Variants in PPARGC1A observed in about 807,000 individuals in gnomAD.
PPARGC1A encodes the protein peroxisome proliferator-activated receptor gamma coactivator 1-alpha.
PPARGC1A carries 25 observed loss-of-function variants against 88.7 expected under a neutral mutation model. The ratio of observed to expected loss-of-function variants is 0.28; its 90% CI spans 0.21 to 0.39. The LOEUF is 0.39. Among genes scored for constraint, PPARGC1A ranks in the 10% least tolerant of loss-of-function variants. The probability of loss-of-function intolerance (pLI) is 1.00; values close to 1 mark genes in which losing one functional copy is unlikely to be tolerated. For synonymous variants in PPARGC1A, 363 were observed against 355.6 expected (o/e 1.02, Z -0.24); for missense variants, 880 against 968.7 (o/e 0.91, Z 1.22).
At chr4:24,209,335 C>A in the PPARGC1A span, among the ~76,000 whole-genome samples, 2 of 152,198 alleles carry the variant, frequency 1.3e-5, no homozygotes, top group African/African-American at 4.8e-5. Context: ...AACATTCCTA[C>A]TGATTACCCT....
At chr4:24,423,512 T>C in the PPARGC1A span, among the ~76,000 whole-genome samples, 1 of 150,614 alleles carries the variant, frequency 6.6e-6, no homozygotes, top group Non-Finnish European at 1.5e-5. Context: ...TGACAAGTTA[T>C]GACTATCAAA....
chr4:24,088,679 T>A, the PPARGC1A span, among the ~76,000 whole-genome samples: 2 of 152,308 alleles, frequency 1.3e-5, no homozygotes, highest in East Asian at 3.9e-4. Context: ...AATAAACTAT[T>A]AAAAAACATT....
chr4:24,165,963 T>C, the PPARGC1A span, among the ~76,000 whole-genome samples: 1 of 152,190 alleles, frequency 6.6e-6, no homozygotes, highest in African/African-American at 2.4e-5. Flanking sequence ...GAGAAAGGCA[T>C]GTCGAAAGCT....
chr4:23,851,235 C>A (rs1482101093), intron 2 of PPARGC1A, among the ~76,000 whole-genome samples: 1 of 152,280 alleles, frequency 6.6e-6, no homozygotes, highest in Non-Finnish European at 1.5e-5. Flanking sequence ...CTGCAGATTG[C>A]TCCTGCACTT....
chr4:24,313,930 A>T, the PPARGC1A span, among the ~76,000 whole-genome samples: 2 of 152,264 alleles, frequency 1.3e-5, no homozygotes, highest in Non-Finnish European at 2.9e-5. Context: ...AATGAATTAC[A>T]AGAAGTTGTA....
chr4:24,294,416 G>T, the PPARGC1A span, among the ~76,000 whole-genome samples: 172 of 152,162 alleles, frequency 1.1e-3, no homozygotes, highest in Non-Finnish European at 2.2e-3. Flanking sequence ...TGAAGGAAAG[G>T]AATAAAAATT....
the PPARGC1A span, among the ~76,000 whole-genome samples, chr4:24,119,451 T>C: frequency 6.6e-6 from 1 of 152,130 alleles, no homozygotes; most frequent in Non-Finnish European, 1.5e-5. Flanking sequence ...TAAGGGGGCT[T>C]CTCTGTGGCA....
chr4:24,263,805 A>G, the PPARGC1A span, among the ~76,000 whole-genome samples: 1 of 152,140 alleles, frequency 6.6e-6, no homozygotes, highest in Admixed American at 6.5e-5. Context: ...GCTGGAGTGC[A>G]GTGGTGCCAT....
chr4:23,924,394 G>A, the PPARGC1A span, among the ~76,000 whole-genome samples: 29 of 152,292 alleles, frequency 1.9e-4, no homozygotes, highest in East Asian at 5.8e-4. Flanking sequence ...TCGGGAGGCC[G>A]AGGCGGGTGG....
At chr4:24,411,567 T>C in the PPARGC1A span, among the ~76,000 whole-genome samples, 1 of 152,288 alleles carries the variant, frequency 6.6e-6, no homozygotes, top group East Asian at 1.9e-4. Flanking sequence ...CGGTTGCTAT[T>C]ACACATTCTC....
the PPARGC1A span, among the ~76,000 whole-genome samples, chr4:24,066,019 C>T: frequency 4.5e-4 from 69 of 152,242 alleles, no homozygotes; most frequent in Non-Finnish European, 8.1e-4. Flanking sequence ...CTAATTCAGG[C>T]GGGCTGCAGC....
At chr4:24,392,776 GCA>G in the PPARGC1A span, among the ~76,000 whole-genome samples, 1 of 152,066 alleles carries the variant, frequency 6.6e-6, no homozygotes. Context: ...TTGGAATTCT[GCA>G]CACTTTCCCG....
At chr4:24,035,027 T>C in the PPARGC1A span, among the ~76,000 whole-genome samples, 1 of 152,188 alleles carries the variant, frequency 6.6e-6, no homozygotes, top group Non-Finnish European at 1.5e-5. Flanking sequence ...TTTTTTCAGA[T>C]TGTAATCTCC....
chr4:24,135,479 CTCT>C, the PPARGC1A span, among the ~76,000 whole-genome samples: 1 of 152,268 alleles, frequency 6.6e-6, no homozygotes, highest in East Asian at 1.9e-4. Flanking sequence ...CCTGTGACAA[CTCT>C]TTGGCATTTT....
chr4:24,401,200 A>G, the PPARGC1A span, among the ~76,000 whole-genome samples: 1 of 151,504 alleles, frequency 6.6e-6, no homozygotes, highest in South Asian at 2.1e-4. Flanking sequence ...TTGTATTTTT[A>G]GTAGAGACAG....
At chr4:24,062,226 T>C in the PPARGC1A span, among the ~76,000 whole-genome samples, 8 of 152,228 alleles carry the variant, frequency 5.3e-5, no homozygotes, top group African/African-American at 1.4e-4. Context: ...ATGCCCTGCA[T>C]GTGACAATGA....
chr4:24,212,760 C>G, the PPARGC1A span, among the ~76,000 whole-genome samples: 12 of 152,194 alleles, frequency 7.9e-5, no homozygotes, highest in Admixed American at 6.5e-4. Context: ...TGCTTTAAGA[C>G]AGCTTTAAAT....
chr4:24,124,619 GAC>G, the PPARGC1A span, among the ~76,000 whole-genome samples: 1 of 152,228 alleles, frequency 6.6e-6, no homozygotes, highest in African/African-American at 2.4e-5. Flanking sequence ...CTAGTTGCTG[GAC>G]AGGTACAGTC....
At chr4:23,978,845 G>GT in the PPARGC1A span, among the ~76,000 whole-genome samples, 8 of 152,164 alleles carry the variant, frequency 5.3e-5, no homozygotes, top group South Asian at 6.2e-4. Context: ...AATGAAATGT[G>GT]TTTTTTGCAG....
Sources: gnomAD v4.1 joint callset for allele counts (sites outside exome capture counted in the v4.1 genomes callset) on GRCh38, gnomAD v4.1.1 for gene constraint, MANE v1.5 for transcripts, NCBI Gene and HGNC (gene_info 2026-07-23, HGNC 2026-07-21) for gene names.